Variants in HDAC4 observed in about 807,000 individuals in gnomAD.
HDAC4 encodes the protein histone deacetylase A.
Under a neutral mutation model 135.1 loss-of-function variants are expected in HDAC4, and 16 were observed. The observed-to-expected ratio is 0.12, with a 90% CI of 0.08 to 0.18. The LOEUF (loss-of-function observed/expected upper bound fraction) is 0.18, where lower values mean the gene tolerates loss of function less well. Ranked by LOEUF, HDAC4 falls within the 10% of genes least tolerant of loss-of-function variation. The probability of loss-of-function intolerance (pLI) is 1.00; values close to 1 mark genes in which losing one functional copy is unlikely to be tolerated. For missense variants in HDAC4, 1,143 were observed against 1,511.8 expected (o/e 0.76, Z 4.05); for synonymous variants, 685 against 653.4 (o/e 1.05, Z -0.74).
At chr2:239,311,652 C>T (rs779445474) in intron 2 of HDAC4, among the ~76,000 whole-genome samples, 1 of 152,166 alleles carries the variant, frequency 6.6e-6, no homozygotes, top group Non-Finnish European at 1.5e-5. Flanking sequence ...CCCTCCAAAA[C>T]CACACACAGG....
intron 3 of HDAC4, among the ~76,000 whole-genome samples, chr2:239,193,939 A>G (rs1245558322): frequency 6.6e-6 from 1 of 152,238 alleles, no homozygotes; most frequent in Non-Finnish European, 1.5e-5. Context: ...CTATTTCATC[A>G]GGGTCAGAGG....
chr2:239,229,794 T>A (rs2047437049), intron 3 of HDAC4, among the ~76,000 whole-genome samples: 1 of 152,172 alleles, frequency 6.6e-6, no homozygotes. Context: ...GGATGAGGCC[T>A]CCAGGAAGCA....
In HDAC4 at chr2:239,262,848, G is replaced by A. The variant is rs909113406; in HGVS notation, c.23-26184C>T. On this transcript the variant is annotated intron_variant, in intron 2 of 26. Coordinates refer to ENST00000543185, the MANE Select transcript of HDAC4 (RefSeq NM_001378414.1). The surrounding 1 kb of genome is among the most constrained non-coding windows in gnomAD (Gnocchi z 4.1). ...CCACCCAGCAGCTCTTGGAAAAGCTGGTGCCCTGGTGAGCAGGAGAGCGTG... is the reference window on the plus strand; with the variant it reads ...CCACCCAGCAGCTCTTGGAAAAGCTAGTGCCCTGGTGAGCAGGAGAGCGTG... Among the ~76,000 whole-genome samples the A allele has an allele frequency of 6.6e-6, 1 of 152,184 alleles. No homozygotes were observed. The highest frequency in any genetic ancestry group is 1.9e-4 in the East Asian group (1 of 5,176).
chr2:239,164,485 A>C (rs2043008064), intron 5 of HDAC4, among the ~76,000 whole-genome samples: 1 of 152,226 alleles, frequency 6.6e-6, no homozygotes, highest in Non-Finnish European at 1.5e-5. Flanking sequence ...GTGGGACCGA[A>C]GTCGAAACTG....
intron 2 of HDAC4, among the ~76,000 whole-genome samples, chr2:239,269,273 ACACCCACACACATTCACAC>A (rs2049927167): frequency 7.2e-6 from 1 of 138,668 alleles, no homozygotes; most frequent in African/African-American, 3.3e-5. Flanking sequence ...ACACATTCAC[ACACCCACACACATTCACAC>A]ACCCACACAC....
At chr2:239,301,324 T>C (rs2052245919) in intron 2 of HDAC4, among the ~76,000 whole-genome samples, 1 of 152,196 alleles carries the variant, frequency 6.6e-6, no homozygotes, top group Admixed American at 6.5e-5. Context: ...ACATTCCTCC[T>C]GCCTGCTGAG....
chr2:239,387,830 C>G (rs1695929019), intron 1 of HDAC4, among the ~76,000 whole-genome samples: 1 of 152,130 alleles, frequency 6.6e-6, no homozygotes. Context: ...AGGAGCCGCG[C>G]CTCCTGCCTG....
At chr2:239,310,334 C>G (rs2052810916) in intron 2 of HDAC4, among the ~76,000 whole-genome samples, 1 of 152,230 alleles carries the variant, frequency 6.6e-6, no homozygotes, top group Admixed American at 6.5e-5. Context: ...GCTCCACAGA[C>G]AGCAGATACA....
At chr2:239,347,662 G>A (rs984237968) in intron 2 of HDAC4, among the ~76,000 whole-genome samples, 7 of 152,150 alleles carry the variant, frequency 4.6e-5, no homozygotes, top group Admixed American at 3.3e-4. Flanking sequence ...CTACAGGCGC[G>A]TGCCACCACG....
chr2:239,175,908 T>C (rs945247929), intron 5 of HDAC4, among the ~76,000 whole-genome samples: 2 of 152,158 alleles, frequency 1.3e-5, no homozygotes, highest in African/African-American at 4.8e-5. Flanking sequence ...CAGCCCTGGA[T>C]GAAGATAAAT....
intron 1 of HDAC4, among the ~76,000 whole-genome samples, chr2:239,386,445 G>A (rs1394076247): frequency 6.6e-6 from 1 of 152,186 alleles, no homozygotes; most frequent in Non-Finnish European, 1.5e-5. Flanking sequence ...CTTCCCAAGA[G>A]GAGCGTCAGC....
At chr2:239,143,203 C>T (rs2041520533) in intron 8 of HDAC4, among the ~76,000 whole-genome samples, 1 of 152,060 alleles carries the variant, frequency 6.6e-6, no homozygotes, top group East Asian at 1.9e-4. Context: ...ACAGGAACAC[C>T]AGCTTTAACA....
chr2:239,360,120 C>T (rs1411368199), intron 1 of HDAC4, among the ~76,000 whole-genome samples: 1 of 152,088 alleles, frequency 6.6e-6, no homozygotes, highest in Non-Finnish European at 1.5e-5. Flanking sequence ...ACGGAGAGTC[C>T]CTCCAGAACA....
chr2:239,097,122 G>A (rs535846821), intron 16 of HDAC4, among the ~76,000 whole-genome samples: 5 of 152,358 alleles, frequency 3.3e-5, no homozygotes, highest in South Asian at 2.1e-4. Context: ...AAAGGCCTAC[G>A]TGCTCGGAGG....
At chr2:239,204,848 C>T (rs1393059006) in intron 3 of HDAC4, among the ~76,000 whole-genome samples, 1 of 152,166 alleles carries the variant, frequency 6.6e-6, no homozygotes, top group African/African-American at 2.4e-5. Flanking sequence ...TGGCCCCTTC[C>T]TCTGTTTTCA....
At chr2:239,253,930 C>T (rs569926383) in intron 2 of HDAC4, among the ~76,000 whole-genome samples, 10 of 152,080 alleles carry the variant, frequency 6.6e-5, no homozygotes, top group South Asian at 2.1e-4. Flanking sequence ...ACCCTGTGTC[C>T]GGGCAGAACT....
chr2:239,196,662 G>A (rs1344358938), intron 3 of HDAC4, among the ~76,000 whole-genome samples: 1 of 152,166 alleles, frequency 6.6e-6, no homozygotes, highest in Non-Finnish European at 1.5e-5. Flanking sequence ...CTAACATCTG[G>A]CAGGGCAGTC....
Position 239,052,861 on chromosome 2 carries a change from G to T in HDAC4, c.*236C>A. ...CTTCCGCGTGTCCGTGTGTCTGCGC[G>T]TCGCCGGCGTCTGTCCCGTGTTCCC... On this transcript the variant is annotated 3_prime_UTR_variant, in exon 27 of 27. Coordinates refer to ENST00000543185, the MANE Select transcript of HDAC4 (RefSeq NM_001378414.1). 2 of 575,670 alleles carry T rather than the reference G, an allele frequency of 3.5e-6. No individual in the cohort carries two copies. The highest frequency in any genetic ancestry group is 6.2e-6 in the Non-Finnish European group (2 of 320,458). The allele number at this position is 575,670 out of a possible 1,614,324, so 35.7% of individuals were successfully genotyped here. A position where few individuals can be genotyped will look rare whatever the true frequency, so the allele number is the denominator to read the frequency against.
At chr2:239,066,428 A>G (rs1427384981) in intron 24 of HDAC4, among the ~76,000 whole-genome samples, 1 of 152,240 alleles carries the variant, frequency 6.6e-6, no homozygotes, top group Non-Finnish European at 1.5e-5. Context: ...CGTAATGGAG[A>G]GAGGGACCCT....
Sources: allele counts gnomAD v4.1 joint callset (sites outside exome capture counted in the v4.1 genomes callset), GRCh38; gene constraint gnomAD v4.1.1; non-coding constraint Gnocchi (gnomAD v3.1); transcripts MANE v1.5; gene names NCBI Gene and HGNC (gene_info 2026-07-23, HGNC 2026-07-21).